Variants in SYNJ2 observed in about 807,000 individuals in gnomAD.
SYNJ2 encodes the protein synaptojanin 2.
SYNJ2 carries 116 observed loss-of-function variants against 141.3 expected under a neutral mutation model. The observed-to-expected ratio is 0.82, with a 90% CI of 0.71 to 0.96. The LOEUF is 0.96. Among genes scored for constraint, SYNJ2 ranks in the 40% least tolerant of loss-of-function variants. The probability of loss-of-function intolerance (pLI) is 0.00; values close to 1 mark genes in which losing one functional copy is unlikely to be tolerated. For missense variants in SYNJ2, 1,873 were observed against 1,934.8 expected (o/e 0.97, Z 0.60); for synonymous variants, 745 against 777.7 (o/e 0.96, Z 0.70).
At chr6:158,050,551 C>G (rs765604818) in intron 5 of SYNJ2, among the ~76,000 whole-genome samples, 20 of 152,206 alleles carry the variant, frequency 1.3e-4, no homozygotes, top group Non-Finnish European at 2.8e-4. Context: ...CAGCCCTGTC[C>G]ACACGGAATG....
At chr6:158,000,644 T>C (rs992060480) in intron 1 of SYNJ2, among the ~76,000 whole-genome samples, 1 of 152,164 alleles carries the variant, frequency 6.6e-6, no homozygotes, top group African/African-American at 2.4e-5. Flanking sequence ...AGTAAGTTGA[T>C]CAACTCTCCC....
rs552286009 is a variant in SYNJ2 at position 158,097,302 on chromosome 6, G to A, written c.*938G>A. ...CGGCTGGAGCTTCGGGATGGAAAGT[G>A]CTATGTGTCCCTGCATATAAGAATC... On this transcript the variant is annotated 3_prime_UTR_variant, in exon 27 of 27. Coordinates refer to ENST00000355585, the MANE Select transcript of SYNJ2 (RefSeq NM_003898.4). 1 of 152,310 alleles carries A rather than the reference G, an allele frequency of 6.6e-6. No homozygotes were observed. Among genetic ancestry groups the A allele is most frequent in the East Asian group, 1.9e-4 (1 of 5,194 alleles). 9.4% of individuals were successfully genotyped at this position (152,310 alleles called of 1,614,324 possible). A position where few individuals can be genotyped will look rare whatever the true frequency, so the allele number is the denominator to read the frequency against.
Position 158,040,032 on chromosome 6 carries a change from C to T in SYNJ2, c.712-3284C>T, listed in dbSNP as rs1274461726. Among the ~76,000 whole-genome samples, 1 of 152,174 alleles carries T rather than the reference C, an allele frequency of 6.6e-6. No individual in the cohort carries two copies. Among genetic ancestry groups the T allele is most frequent in the African/African-American group, 2.4e-5 (1 of 41,446 alleles). On this transcript the variant is annotated intron_variant, in intron 4 of 26. Coordinates refer to ENST00000355585, the MANE Select transcript of SYNJ2 (RefSeq NM_003898.4). This position sits in a 1 kb window ranked among gnomAD's most constrained non-coding sequence, Gnocchi z 4.2. ...CCCTGTGGTGGGGACTCTTGGCAGGCGGATCGGCTTCTTAGGAATTAATTC... is the reference window on the plus strand; with the variant it reads ...CCCTGTGGTGGGGACTCTTGGCAGGTGGATCGGCTTCTTAGGAATTAATTC...
chr6:158,090,138 A>G (rs576853603), intron 25 of SYNJ2, among the ~76,000 whole-genome samples, 191 bp downstream of exon 25: 1 of 152,364 alleles, frequency 6.6e-6, no homozygotes, highest in African/African-American at 2.4e-5. Flanking sequence ...TGTATTTTCA[A>G]AATTCTGTGT....
chr6:158,043,237 G>A lies in SYNJ2; in HGVS notation c.712-79G>A, dbSNP rs6931314. 7,186 of 1,281,840 alleles carry A rather than the reference G, an allele frequency of 5.6e-3. 310 individuals carry two copies. The African/African-American group carries it at 0.092, about 16-fold the overall frequency. 79.4% of individuals were successfully genotyped at this position (1,281,840 alleles called of 1,614,324 possible). A position where few individuals can be genotyped will look rare whatever the true frequency, so the allele number is the denominator to read the frequency against. On this transcript the variant is annotated intron_variant, in intron 4 of 26. Transcript: ENST00000355585. The surrounding 1 kb of genome is among the most constrained non-coding windows in gnomAD (Gnocchi z 4.0). ...TTCTGGCTGGTGTCGGGTCACAGGT[G>A]GCCGGATCCCGTTACCCAGCCCAGG...
At chr6:158,017,395 T>C in intron 2 of SYNJ2, 105 bp downstream of exon 2, 3 of 988,510 alleles carry the variant, frequency 3.0e-6, no homozygotes, top group Non-Finnish European at 4.2e-6. Context: ...ACCGCTCTTC[T>C]CTCTCTCTTC....
At chr6:157,985,634 G>A (rs945246325) in intron 1 of SYNJ2, among the ~76,000 whole-genome samples, 4 of 152,208 alleles carry the variant, frequency 2.6e-5, no homozygotes, top group African/African-American at 9.7e-5. Flanking sequence ...TTAGGGAAAA[G>A]TGCTTATTGT....
chr6:158,020,916 T>A (rs1420544115), intron 2 of SYNJ2, among the ~76,000 whole-genome samples: 1 of 152,202 alleles, frequency 6.6e-6, no homozygotes, highest in African/African-American at 2.4e-5. Flanking sequence ...TGCACAAAAA[T>A]TCATAAAAGC....
intron 1 of SYNJ2, among the ~76,000 whole-genome samples, chr6:158,007,360 G>A (rs541587112): frequency 3.3e-5 from 5 of 152,280 alleles, no homozygotes; most frequent in South Asian, 4.1e-4. Flanking sequence ...GAGCTCTGTC[G>A]TCAGCCTCCA....
intron 2 of SYNJ2, among the ~76,000 whole-genome samples, chr6:158,025,218 G>A (rs9456983): frequency 1.3e-5 from 2 of 152,164 alleles, no homozygotes; most frequent in African/African-American, 4.8e-5. Flanking sequence ...GAGATCTCTG[G>A]GCACAAACCC....
At chr6:158,077,535 G>A (rs1490355492) in intron 17 of SYNJ2, 2 of 151,040 alleles carry the variant, frequency 1.3e-5, no homozygotes, top group East Asian at 1.9e-4. Context: ...GCAAGACACA[G>A]TAAAAATAAG....
intron 16 of SYNJ2, among the ~76,000 whole-genome samples, chr6:158,075,837 A>C (rs570098657): frequency 6.6e-6 from 1 of 152,214 alleles, no homozygotes; most frequent in African/African-American, 2.4e-5. Flanking sequence ...ACATTCTCAC[A>C]TCCTCTCAGT....
Position 158,021,442 on chromosome 6 carries a change from C to T in SYNJ2, c.214+4152C>T, listed in dbSNP as rs115606732. 3.8e-3 allele frequency among the ~76,000 whole-genome samples: 575 copies of T among 152,338 alleles called. 8 individuals carry two copies. The highest frequency in any genetic ancestry group is 0.013 in the African/African-American group (541 of 41,568). On this transcript the variant is annotated intron_variant, in intron 2 of 26. Transcript: ENST00000355585. Reference sequence around the variant, plus strand: ...TAGCCATGAAGAGTGTGGAGTGCTCCTCCAACACCAGGCGGGCTGGCCACA... The same window carrying T: ...TAGCCATGAAGAGTGTGGAGTGCTCTTCCAACACCAGGCGGGCTGGCCACA...
In SYNJ2 at chr6:158,089,895, C is replaced by T; in HGVS notation, c.3513C>T (p.Thr1171=). 2.5e-6 allele frequency: 4 copies of T among 1,614,142 alleles called. No individual in the cohort carries two copies. The highest frequency in any genetic ancestry group is 1.1e-5 in the South Asian group (1 of 91,078). Reference sequence around the variant, plus strand: ...ATAATGTCAAGCAGATCAAAACCACCAATGCCCAGGAGGCAGAAGCAGCAA... The same window carrying T: ...ATAATGTCAAGCAGATCAAAACCACTAATGCCCAGGAGGCAGAAGCAGCAA... ...KPYNVKQIKT[T]NAQEAEAAIR... is the part of the protein sequence containing the mutation. Residue 1171 remains threonine (T), a synonymous_variant, in exon 25 of 27, where the codon ACC becomes ACT. Coordinates refer to ENST00000355585, the MANE Select transcript of SYNJ2 (RefSeq NM_003898.4).
intron 4 of SYNJ2, among the ~76,000 whole-genome samples, chr6:158,037,500 C>T (rs766248073): frequency 9.5e-4 from 142 of 149,420 alleles, no homozygotes; most frequent in Non-Finnish European, 1.7e-3. Context: ...CTCCCGGGTT[C>T]ACACCATTCT....
intron 8 of SYNJ2, among the ~76,000 whole-genome samples, chr6:158,062,649 G>A (rs1781295957): frequency 6.6e-6 from 1 of 152,008 alleles, no homozygotes; most frequent in Non-Finnish European, 1.5e-5. Flanking sequence ...GTTCCCTCAG[G>A]TCACATGCAG....
At chr6:158,042,852 G>A (rs1195088940) in intron 4 of SYNJ2, among the ~76,000 whole-genome samples, 5 of 152,194 alleles carry the variant, frequency 3.3e-5, no homozygotes, top group Admixed American at 3.3e-4. Context: ...AGTCAGTGAG[G>A]TCTTTTGGCT....
chr6:158,000,676 G>C (rs1777813857), intron 1 of SYNJ2, among the ~76,000 whole-genome samples: 2 of 152,184 alleles, frequency 1.3e-5, no homozygotes, highest in South Asian at 2.1e-4. Flanking sequence ...TAGCCTTCTG[G>C]AACTGTCTTC....
chr6:158,069,209 C>T (rs1286015471), intron 13 of SYNJ2, among the ~76,000 whole-genome samples: 1 of 152,002 alleles, frequency 6.6e-6, no homozygotes, highest in Non-Finnish European at 1.5e-5. Context: ...ACTGGGCGCT[C>T]CCCCCACCCC....
Sources: gnomAD v4.1 joint callset for allele counts (sites outside exome capture counted in the v4.1 genomes callset) on GRCh38, gnomAD v4.1.1 for gene constraint, Gnocchi (gnomAD v3.1) non-coding constraint, MANE v1.5 for transcripts, NCBI Gene and HGNC (gene_info 2026-07-23, HGNC 2026-07-21) for gene names.